SGMS2: variants seen among roughly 807,000 people sequenced by gnomAD.
SGMS2 encodes sphingomyelin synthase 2, also known as phosphatidylcholine:ceramide cholinephosphotransferase 2.
A neutral mutation model predicts 43.8 loss-of-function variants in SGMS2; 21 were observed. The ratio of observed to expected loss-of-function variants is 0.48; its 90% CI spans 0.34 to 0.69. The LOEUF (loss-of-function observed/expected upper bound fraction) is 0.69. Ranked by LOEUF, SGMS2 falls within the 30% of genes least tolerant of loss-of-function variation. SGMS2 has a pLI of 0.01. For synonymous variants in SGMS2, 167 were observed against 160.6 expected, an observed-to-expected ratio of 1.04 and a Z score of -0.30; for missense variants, 384 against 443.2, an observed-to-expected ratio of 0.87 and a Z score of 1.20.
chr4:107,862,724 G>A (rs1727819341), intron 2 of SGMS2, among the ~76,000 whole-genome samples: 1 of 152,170 alleles, frequency 6.6e-6, no homozygotes, highest in Admixed American at 6.5e-5. Context: ...TAAATCAGCA[G>A]TCTAGTGTTG....
chr4:107,862,516 C>T (rs1727794510), intron 2 of SGMS2, among the ~76,000 whole-genome samples: 1 of 152,036 alleles, frequency 6.6e-6, no homozygotes, highest in African/African-American at 2.4e-5. Flanking sequence ...ATGTAAGAAC[C>T]CTGTAATTAG....
intron 5 of SGMS2, among the ~76,000 whole-genome samples, chr4:107,906,320 G>T (rs1354823503): frequency 2.0e-5 from 3 of 152,150 alleles, no homozygotes; most frequent in Admixed American, 1.3e-4. Flanking sequence ...ACCATTTCGG[G>T]GTTAGCAAGG....
In SGMS2 at chr4:107,895,457, C is replaced by A; in HGVS notation, c.-97C>A. 1 of 1,217,054 alleles carries A rather than the reference C, an allele frequency of 8.2e-7. No homozygotes were observed. The highest frequency in any genetic ancestry group is 1.2e-6 in the Non-Finnish European group (1 of 861,826). 75.4% of individuals were successfully genotyped at this position (1,217,054 alleles called of 1,614,324 possible). On this transcript the variant is annotated 5_prime_UTR_variant, in exon 3 of 7. Transcript: ENST00000690982. Reference sequence around the variant, plus strand: ...GGAAACAAAGTCCATTGTAAGAGTCCATGTTGATCTTGGAAATAGAAGGAT... The same window carrying A: ...GGAAACAAAGTCCATTGTAAGAGTCAATGTTGATCTTGGAAATAGAAGGAT...
chr4:107,853,187 A>T (rs942669667), intron 1 of SGMS2, among the ~76,000 whole-genome samples: 11 of 152,150 alleles, frequency 7.2e-5, no homozygotes, highest in African/African-American at 2.2e-4. Context: ...GCCATGGAAG[A>T]CCTAACAGAA....
intron 1 of SGMS2, among the ~76,000 whole-genome samples, chr4:107,857,857 T>A (rs2126026358): frequency 6.6e-6 from 1 of 152,338 alleles, no homozygotes; most frequent in East Asian, 1.9e-4. Context: ...TAAAGCCCTC[T>A]GCACTCCTCT....
chr4:107,864,660 T>C (rs764333572), intron 2 of SGMS2, among the ~76,000 whole-genome samples: 2 of 152,232 alleles, frequency 1.3e-5, no homozygotes, highest in Non-Finnish European at 2.9e-5. Flanking sequence ...TATAACATGA[T>C]ATAATGATTT....
intron 4 of SGMS2, among the ~76,000 whole-genome samples, chr4:107,902,650 A>G (rs1033608109): frequency 1.3e-5 from 2 of 152,284 alleles, no homozygotes; most frequent in East Asian, 3.9e-4. Context: ...TGTTTTTCCT[A>G]ATCAAAGCTA....
chr4:107,868,974 A>G (rs1000080090), intron 2 of SGMS2, among the ~76,000 whole-genome samples: 4 of 152,136 alleles, frequency 2.6e-5, no homozygotes, highest in African/African-American at 7.2e-5. Flanking sequence ...ACAGAACACC[A>G]TTTTTAAGAG....
intron 1 of SGMS2, among the ~76,000 whole-genome samples, chr4:107,828,199 C>T (rs1725702320): frequency 6.6e-6 from 1 of 151,888 alleles, no homozygotes; most frequent in Admixed American, 6.6e-5. Context: ...TTCTATCTGC[C>T]CCCTCTTTAT....
Position 107,910,496 on chromosome 4 carries a change from A to G in SGMS2, c.1041A>G (p.Ser347=), listed in dbSNP as rs1732033541. Residue 347 remains serine, a synonymous_variant, in exon 7 of 7, where the codon TCA becomes TCG. Coordinates refer to ENST00000690982, the MANE Select transcript of SGMS2 (RefSeq NM_001375905.1). ...GGCCTCCTGGCTGCTTCAAATCATC[A>G]TGCAAAAAGTATTCACGGGTTCAGA... ...LSWPPGCFKS[S]CKKYSRVQKI... 6.2e-6 allele frequency: 10 copies of G among 1,613,978 alleles called. No homozygotes were observed. The highest frequency in any genetic ancestry group is 8.5e-6 in the Non-Finnish European group (10 of 1,179,972).
chr4:107,887,762 T>A (rs1729873897), intron 2 of SGMS2, among the ~76,000 whole-genome samples: 1 of 152,154 alleles, frequency 6.6e-6, no homozygotes, highest in Admixed American at 6.5e-5. Flanking sequence ...AGGCAAAACC[T>A]TCATTCTTTG....
intron 1 of SGMS2, among the ~76,000 whole-genome samples, chr4:107,826,295 C>G (rs1725585490): frequency 6.6e-6 from 1 of 152,210 alleles, no homozygotes; most frequent in South Asian, 2.1e-4. Context: ...TTAATTTCCA[C>G]AGAATGTCCT....
chr4:107,835,757 A>G (rs553953938), intron 1 of SGMS2, among the ~76,000 whole-genome samples: 1 of 152,176 alleles, frequency 6.6e-6, no homozygotes, highest in Non-Finnish European at 1.5e-5. Flanking sequence ...TCTCCCAGCA[A>G]TTGTTGATAA....
chr4:107,904,940 A>C lies in SGMS2; in HGVS notation c.727+1554A>C, dbSNP rs141885023. On this transcript the variant is annotated intron_variant, in intron 5 of 6. Transcript: ENST00000690982. ...ATCTTCTCTATAATCTGAGGATCAT[A>C]AAAAAATTACAGAAGAAGATGGGGA... Among the ~76,000 whole-genome samples, 331 of 152,244 alleles carry C rather than the reference A, an allele frequency of 2.2e-3. 4 individuals are homozygous for C. Among genetic ancestry groups the C allele is most frequent in the East Asian group, 7.5e-3 (39 of 5,174 alleles).
Position 107,839,149 on chromosome 4 carries a change from T to G in SGMS2, c.-327+13896T>G, listed in dbSNP as rs141635833. On this transcript the variant is annotated intron_variant, in intron 1 of 6. Transcript: ENST00000690982. ...TCAGAAACTCCATCTTTCCCCCACC[T>G]CTGAGTTCTTTGGGTGAAGACATCT... Among the ~76,000 whole-genome samples the G allele has an allele frequency of 8.5e-3, 1,299 of 152,298 alleles. 9 individuals are homozygous for G. Among genetic ancestry groups the G allele is most frequent in the Non-Finnish European group, 0.014 (976 of 68,016 alleles).
At chr4:107,849,441 T>C (rs1387370546) in intron 1 of SGMS2, among the ~76,000 whole-genome samples, 8 of 152,176 alleles carry the variant, frequency 5.3e-5, no homozygotes, top group Admixed American at 3.9e-4. Flanking sequence ...CCCATGTACC[T>C]TGTAGCTGTT....
chr4:107,908,011 G>A (rs1270740258), intron 5 of SGMS2: 1 of 152,794 alleles, frequency 6.5e-6, no homozygotes, highest in Non-Finnish European at 1.5e-5. Flanking sequence ...AGTTTCTATT[G>A]GCAATAACAG....
chr4:107,827,572 T>C (rs1725664907), intron 1 of SGMS2, among the ~76,000 whole-genome samples: 1 of 152,198 alleles, frequency 6.6e-6, no homozygotes, highest in Non-Finnish European at 1.5e-5. Context: ...AAAGTATGCC[T>C]TGCTTTACAC....
At chr4:107,851,665 A>T (rs907015092) in intron 1 of SGMS2, among the ~76,000 whole-genome samples, 1 of 152,104 alleles carries the variant, frequency 6.6e-6, no homozygotes, top group Non-Finnish European at 1.5e-5. Flanking sequence ...CTCTCTCCCT[A>T]AGCAAGAAGG....
Sources: gnomAD v4.1 joint callset for allele counts (sites outside exome capture counted in the v4.1 genomes callset) on GRCh38, gnomAD v4.1.1 for gene constraint, MANE v1.5 for transcripts, NCBI Gene and HGNC (gene_info 2026-07-23, HGNC 2026-07-21) for gene names.